SGCD: variants seen among roughly 807,000 people sequenced by gnomAD.
SGCD encodes delta-sarcoglycan.
SGCD carries 18 observed loss-of-function variants against 36.6 expected under a neutral mutation model. That is an observed-to-expected ratio of 0.49 (90% CI 0.34 to 0.73). The LOEUF is 0.73. Ranked by LOEUF, SGCD falls within the 30% of genes least tolerant of loss-of-function variation. SGCD has a pLI of 0.01. For synonymous variants in SGCD, 133 were observed against 130.6 expected, an observed-to-expected ratio of 1.02 and a Z score of -0.12; for missense variants, 387 against 346.7, an observed-to-expected ratio of 1.12 and a Z score of -0.92.
At chr5:156,728,535 A>T (rs1168854179) in intron 7 of SGCD, among the ~76,000 whole-genome samples, 1 of 150,856 alleles carries the variant, frequency 6.6e-6, no homozygotes, top group African/African-American at 2.4e-5. Context: ...AAAAAAAAAA[A>T]AGGTAGAGTC....
At chr5:156,695,112 TTG>T (rs370137233) in intron 7 of SGCD, among the ~76,000 whole-genome samples, 100 of 128,992 alleles carry the variant, frequency 7.8e-4, no homozygotes, top group African/African-American at 1.8e-3. Context: ...GGTACTGTGT[TTG>T]TGTGTGTGTG....
At chr5:156,594,168 A>G (rs1298271364) in intron 5 of SGCD, among the ~76,000 whole-genome samples, 1 of 152,154 alleles carries the variant, frequency 6.6e-6, no homozygotes, top group Non-Finnish European at 1.5e-5. Flanking sequence ...CATGGTACCT[A>G]AATCTTTCTG....
At chr5:156,625,889 G>A (rs1287572893) in intron 6 of SGCD, among the ~76,000 whole-genome samples, 3 of 152,204 alleles carry the variant, frequency 2.0e-5, no homozygotes, top group African/African-American at 7.2e-5. Context: ...GATGGGGTTA[G>A]TCTGGAGTTG....
Position 156,345,048 on chromosome 5 carries a change from T to A in SGCD, c.192+371T>A, listed in dbSNP as rs973460827. 3.9e-5 allele frequency among the ~76,000 whole-genome samples: 6 copies of A among 152,258 alleles called. No individual in the cohort carries two copies. The South Asian group carries it at 1.2e-3, about 32-fold the overall frequency. The stretch of plus-strand genomic sequence containing the variant: ...CAGCAAGTGTAGTGATTATAAAAGG[T>A]TTTTTGAAGTAGAGAGTTGAAACAT... On this transcript the variant is annotated intron_variant, in intron 3 of 8. Coordinates refer to ENST00000337851, the MANE Select transcript of SGCD (RefSeq NM_000337.6).
chr5:155,982,676 G>A (rs1322274099), intron 1 of SGCD, among the ~76,000 whole-genome samples: 1 of 152,176 alleles, frequency 6.6e-6, no homozygotes, highest in African/African-American at 2.4e-5. Flanking sequence ...CCAGGCAGTA[G>A]AGTGAATTTA....
intron 6 of SGCD, among the ~76,000 whole-genome samples, chr5:156,604,991 G>A (rs1389137471): frequency 1.3e-5 from 2 of 151,618 alleles, no homozygotes; most frequent in Non-Finnish European, 2.9e-5. Flanking sequence ...TACCATTGTA[G>A]CAATGGGGTA....
At chr5:155,952,777 T>C (rs1334788512) in intron 1 of SGCD, among the ~76,000 whole-genome samples, 2 of 152,344 alleles carry the variant, frequency 1.3e-5, no homozygotes, top group South Asian at 2.1e-4. Context: ...CTTTCAAACC[T>C]AGTCATTTGC....
intron 3 of SGCD, among the ~76,000 whole-genome samples, chr5:156,474,332 GT>G (rs1755091388): frequency 1.4e-5 from 2 of 146,424 alleles, no homozygotes; most frequent in Non-Finnish European, 3.1e-5. Context: ...CAAGCACCGT[GT>G]GTCAGGATCT....
At chr5:156,136,630 C>G (rs1460320358) in intron 3 of SGCD, among the ~76,000 whole-genome samples, 2 of 152,102 alleles carry the variant, frequency 1.3e-5, no homozygotes, top group African/African-American at 4.8e-5. Flanking sequence ...AGATAATGTG[C>G]ACACATAAAG....
chr5:156,017,127 A>G (rs186290377), intron 1 of SGCD, among the ~76,000 whole-genome samples: 97 of 152,324 alleles, frequency 6.4e-4, no homozygotes, highest in African/African-American at 2.3e-3. Flanking sequence ...TCTTAATGTA[A>G]GTGAAATTGA....
At chr5:156,151,687 A>G (rs2127615070) in intron 3 of SGCD, among the ~76,000 whole-genome samples, 1 of 151,746 alleles carries the variant, frequency 6.6e-6, no homozygotes, top group Non-Finnish European at 1.5e-5. Flanking sequence ...TTCATTGTGA[A>G]GAAATGTTTA....
At chr5:155,862,390 A>C in the SGCD span, among the ~76,000 whole-genome samples, 1 of 152,190 alleles carries the variant, frequency 6.6e-6, no homozygotes, top group African/African-American at 2.4e-5. Flanking sequence ...GTGCAGTGGC[A>C]TGATCATAGC....
At position 156,612,799 on chromosome 5, in the gene SGCD, G is replaced by A. The variant is rs550732878; in HGVS notation, c.502+17748G>A. On this transcript the variant is annotated intron_variant, in intron 6 of 8. Transcript: ENST00000337851. ...GCAGTTGATCCATTGTTAAGATGCT[G>A]TGGTGCTGTAGCCACTTAGGTCACA... Among the ~76,000 whole-genome samples the A allele has an allele frequency of 1.2e-4, 19 of 152,338 alleles. 1 individual carries two copies. The highest frequency in any genetic ancestry group is 4.1e-4 in the African/African-American group (17 of 41,576).
intron 3 of SGCD, among the ~76,000 whole-genome samples, chr5:156,346,060 G>C (rs574306271): frequency 1.3e-5 from 2 of 151,914 alleles, no homozygotes; most frequent in Non-Finnish European, 2.9e-5. Context: ...AAAGGCAAAG[G>C]CTGCATCTTT....
rs1216347365 is a variant in SGCD, at chr5:156,763,486, A to T, written c.*4096A>T. The T allele has an allele frequency of 6.6e-6, 1 of 152,464 alleles. No homozygotes were observed. The highest frequency in any genetic ancestry group is 1.5e-5 in the Non-Finnish European group (1 of 68,034). 9.4% of individuals were successfully genotyped at this position (152,464 alleles called of 1,614,324 possible). A position where few individuals can be genotyped will look rare whatever the true frequency, so the allele number is the denominator to read the frequency against. On this transcript the variant is annotated 3_prime_UTR_variant, in exon 9 of 9. Transcript: ENST00000337851. ...CAGTGAAATTCTTTTTATCAAACTG[A>T]TGCTGTGAGAAACCAGATGAATGCC...
chr5:155,833,925 T>C, the SGCD span, among the ~76,000 whole-genome samples: 1 of 152,210 alleles, frequency 6.6e-6, no homozygotes, highest in African/African-American at 2.4e-5. Context: ...AAGGCCTAGA[T>C]AACTTGTTTT....
At chr5:156,736,556 C>G (rs148569135) in intron 7 of SGCD, among the ~76,000 whole-genome samples, 2 of 152,226 alleles carry the variant, frequency 1.3e-5, no homozygotes, top group African/African-American at 4.8e-5. Flanking sequence ...ATGCACTAAT[C>G]CTCTATGAGA....
chr5:156,351,937 A>G (rs1053075196), intron 3 of SGCD, among the ~76,000 whole-genome samples: 3 of 152,076 alleles, frequency 2.0e-5, no homozygotes, highest in Non-Finnish European at 4.4e-5. Context: ...GCCATGAACT[A>G]CATTGCCTTT....
chr5:156,486,307 C>T (rs116560088), intron 3 of SGCD, among the ~76,000 whole-genome samples: 6,373 of 152,038 alleles, frequency 0.042, 192 homozygotes, highest in East Asian at 0.15. Context: ...ATGCAGGGTA[C>T]GCCAGAAAGG....
Sources: gnomAD v4.1 joint callset for allele counts (sites outside exome capture counted in the v4.1 genomes callset) on GRCh38, gnomAD v4.1.1 for gene constraint, MANE v1.5 for transcripts, NCBI Gene and HGNC (gene_info 2026-07-23, HGNC 2026-07-21) for gene names.